The following APBA2 variants were observed in gnomAD, a reference collection of about 807,000 sequenced individuals.
The protein encoded by APBA2 is amyloid beta precursor protein binding family A member 2.
Under a neutral mutation model 75.0 loss-of-function variants are expected in APBA2, and 30 were observed. That is an observed-to-expected ratio of 0.40 (90% confidence interval 0.30 to 0.54). The LOEUF (loss-of-function observed/expected upper bound fraction) is 0.54. Ranked by LOEUF, APBA2 falls within the 20% of genes least tolerant of loss-of-function variation. The probability of loss-of-function intolerance (pLI) is 0.49; values close to 1 mark genes in which losing one functional copy is unlikely to be tolerated. For synonymous variants in APBA2, 444 were observed against 409.6 expected (o/e 1.08, Z -1.01); for missense variants, 801 against 1,016.1 (o/e 0.79, Z 2.88).
intron 2 of APBA2, among the ~76,000 whole-genome samples, chr15:28,981,646 C>G (rs1295287861): frequency 6.6e-6 from 1 of 152,204 alleles, no homozygotes; most frequent in Non-Finnish European, 1.5e-5. Context: ...CCAGCAATCC[C>G]ATTCCTCAGT....
intron 6 of APBA2, among the ~76,000 whole-genome samples, chr15:29,077,246 C>G: frequency 6.6e-6 from 1 of 152,282 alleles, no homozygotes; most frequent in Non-Finnish European, 1.5e-5. Context: ...CCCACATTCC[C>G]GCTTGTAGTG....
At chr15:28,999,378 T>C (rs2038723610) in intron 3 of APBA2, among the ~76,000 whole-genome samples, 1 of 152,152 alleles carries the variant, frequency 6.6e-6, no homozygotes, top group Non-Finnish European at 1.5e-5. Context: ...AAGAACTCTT[T>C]CAAATTAATT....
chr15:28,916,098 G>A (rs2033678923), intron 1 of APBA2, among the ~76,000 whole-genome samples: 1 of 152,224 alleles, frequency 6.6e-6, no homozygotes. Context: ...TGTCCTGGCC[G>A]GCACATTCCC....
intron 4 of APBA2, among the ~76,000 whole-genome samples, chr15:29,071,520 G>A (rs2152920736): frequency 6.6e-6 from 1 of 150,980 alleles, no homozygotes; most frequent in East Asian, 2.0e-4. Flanking sequence ...AGGCGACCCT[G>A]GCTGGCATCT....
intron 2 of APBA2, among the ~76,000 whole-genome samples, chr15:28,934,544 T>C (rs1450240872): frequency 1.3e-5 from 2 of 152,268 alleles, no homozygotes; most frequent in East Asian, 3.9e-4. Context: ...TATTGGCGCC[T>C]GTGTGGGAAG....
At chr15:29,067,746 G>A (rs1466508509) in intron 4 of APBA2, among the ~76,000 whole-genome samples, 1 of 152,186 alleles carries the variant, frequency 6.6e-6, no homozygotes, top group Non-Finnish European at 1.5e-5. Flanking sequence ...CAGACAGGTA[G>A]ATTTAGTAAA....
chr15:28,960,571 C>T (rs1010226850), intron 2 of APBA2, among the ~76,000 whole-genome samples: 2 of 151,754 alleles, frequency 1.3e-5, no homozygotes, highest in African/African-American at 2.4e-5. Context: ...TGGTGGTCTG[C>T]GGGGGGCAGA....
rs564892121 is a variant in APBA2, at chr15:28,913,558, A to T, written c.-204-8082A>T. ...CTACTTCCTGTAGTCCACCACCAGG[A>T]GGTAGAAAGGGACAGTCTGCTGACC... On this transcript the variant is annotated intron_variant, in intron 1 of 14. Coordinates refer to ENST00000683413, the MANE Select transcript of APBA2 (RefSeq NM_001353788.2). Among the ~76,000 whole-genome samples, 26 of 152,218 alleles carry T rather than the reference A, an allele frequency of 1.7e-4. 1 individual carries two copies. The South Asian group carries it at 5.4e-3, about 32-fold the overall frequency.
intron 1 of APBA2, 50 bp downstream of exon 1, chr15:28,886,328 G>A (rs2031714428): frequency 6.6e-6 from 1 of 151,088 alleles, no homozygotes; most frequent in Admixed American, 6.6e-5. Context: ...GGCAGCCTGG[G>A]GCCGCCCGGG....
At chr15:29,034,573 G>A (rs2040649800) in intron 3 of APBA2, among the ~76,000 whole-genome samples, 1 of 152,214 alleles carries the variant, frequency 6.6e-6, no homozygotes, top group South Asian at 2.1e-4. Context: ...AAATGAAAGT[G>A]TTAGGAAGGG....
intron 14 of APBA2, among the ~76,000 whole-genome samples, chr15:29,116,486 G>A (rs2045157920): frequency 6.6e-6 from 1 of 151,960 alleles, no homozygotes; most frequent in African/African-American, 2.4e-5. Flanking sequence ...AAATTCGCTG[G>A]GTGTGGTGGC....
At chr15:28,975,787 C>G (rs1220864722) in intron 2 of APBA2, among the ~76,000 whole-genome samples, 2 of 152,228 alleles carry the variant, frequency 1.3e-5, no homozygotes, top group Non-Finnish European at 2.9e-5. Context: ...TAGATTATAA[C>G]AAGATACCAT....
chr15:29,017,490 G>A (rs577128174), intron 3 of APBA2, among the ~76,000 whole-genome samples: 8 of 139,564 alleles, frequency 5.7e-5, no homozygotes, highest in Admixed American at 2.3e-4. Flanking sequence ...CTGCCTCAGC[G>A]TCCAGAGTAG....
intron 1 of APBA2, among the ~76,000 whole-genome samples, chr15:28,907,269 C>T (rs1321747645): frequency 6.6e-6 from 1 of 152,178 alleles, no homozygotes; most frequent in East Asian, 1.9e-4. Flanking sequence ...GCAGATTTGT[C>T]ATGGGTTAAG....
At chr15:29,060,426 C>T (rs1219433468) in intron 4 of APBA2, among the ~76,000 whole-genome samples, 1 of 152,140 alleles carries the variant, frequency 6.6e-6, no homozygotes, top group African/African-American at 2.4e-5. Flanking sequence ...CCTTGAAGAA[C>T]CTGAGAAGAG....
At position 29,106,811 on chromosome 15, in the gene APBA2, A is replaced by G; in HGVS notation, c.1909A>G (p.Ile637Val). The G allele has an allele frequency of 6.2e-7, 1 of 1,612,762 alleles. No individual in the cohort carries two copies. Among genetic ancestry groups the G allele is most frequent in the South Asian group, 1.1e-5 (1 of 91,078 alleles). Residue 637 changes from isoleucine (I) to valine (V), a missense_variant, in exon 12 of 15, where the codon ATC (isoleucine) becomes GTC (valine). Ile to Val is a conservative substitution (Grantham distance 29, BLOSUM62 3). This residue lies in a region of APBA2 where 367 missense variants were observed against 544.5 expected (regional missense o/e 0.67). Coordinates refer to ENST00000683413, the MANE Select transcript of APBA2 (RefSeq NM_001353788.2). Reference sequence around the variant, plus strand: ...GCTGCCCCTCGCCACCTGCCAAGGCATCATCAAGGTAGGCACCCTGGGATC... The same window carrying G: ...GCTGCCCCTCGCCACCTGCCAAGGCGTCATCAAGGTAGGCACCCTGGGATC... ...VGLPLATCQGIIKGLKNQTQV... is the reference protein window; with the variant it reads ...VGLPLATCQGVIKGLKNQTQV...
chr15:28,908,111 G>A (rs914999265), intron 1 of APBA2, among the ~76,000 whole-genome samples: 3 of 152,116 alleles, frequency 2.0e-5, no homozygotes, highest in Admixed American at 6.5e-5. Context: ...TTCCCGAGCC[G>A]TTGTCCCTGA....
At chr15:28,914,947 T>C (rs1395736851) in intron 1 of APBA2, among the ~76,000 whole-genome samples, 1 of 148,534 alleles carries the variant, frequency 6.7e-6, no homozygotes, top group Non-Finnish European at 1.5e-5. Context: ...ACACATACCA[T>C]GCCCACCTCA....
intron 2 of APBA2, among the ~76,000 whole-genome samples, chr15:28,965,119 G>T (rs1258908156): frequency 6.6e-6 from 1 of 151,320 alleles, no homozygotes; most frequent in Non-Finnish European, 1.5e-5. Context: ...TTAAGTCCTT[G>T]ATTCATTTTG....
Sources: gnomAD v4.1 joint callset for allele counts (sites outside exome capture counted in the v4.1 genomes callset) on GRCh38, gnomAD v4.1.1 for gene constraint, gnomAD v4.1.1 regional missense constraint, MANE v1.5 for transcripts, NCBI Gene and HGNC (gene_info 2026-07-23, HGNC 2026-07-21) for gene names.